The following LIPA variants were observed in gnomAD, a reference collection of about 807,000 sequenced individuals.
The protein encoded by LIPA is lipase A, lysosomal acid type, also known as lysosomal acid lipase/cholesteryl ester hydrolase.
Under a neutral mutation model 40.6 loss-of-function variants are expected in LIPA, and 26 were observed. The ratio of observed to expected loss-of-function variants is 0.64; its 90% confidence interval spans 0.47 to 0.89. LIPA has a LOEUF of 0.89. LIPA is among the 40% of genes least tolerant of loss of function. The pLI, the probability that LIPA is intolerant of heterozygous loss-of-function variation, is 0.00. For synonymous variants in LIPA, 188 were observed against 168.4 expected (o/e 1.12, Z -0.90); for missense variants, 455 against 479.6 (o/e 0.95, Z 0.48).
intron 2 of LIPA, among the ~76,000 whole-genome samples, chr10:89,382,621 T>C (rs1368792472): frequency 6.6e-6 from 1 of 152,212 alleles, no homozygotes; most frequent in Non-Finnish European, 1.5e-5. Flanking sequence ...TGCCACTTCT[T>C]CAAAGAGACA....
intron 2 of LIPA, among the ~76,000 whole-genome samples, chr10:89,410,090 C>T (rs1297653897): frequency 2.6e-5 from 4 of 152,168 alleles, no homozygotes; most frequent in Non-Finnish European, 5.9e-5. Context: ...CAGTGGCATA[C>T]CTAAGTAAGG....
chr10:89,215,059 A>C lies in LIPA; in HGVS notation c.969T>G (p.Ser323Arg). ...CCTTCACATTGTATGTGGGAGGATA[A>C]CTCTACAATGAAAAGGAACCAGAGA... Reference protein sequence around the residue: ...SAKNYFHYNQSYPPTYNVKDM... With the variant: ...SAKNYFHYNQRYPPTYNVKDM... The change falls in exon 10 of 10, where the codon AGT becomes AGG. Residue 323 changes from serine (S) to arginine (R), a missense_variant and splice_region_variant. Physicochemically the swap from Ser to Arg is moderately radical, Grantham distance 110. Transcript: ENST00000336233. The C allele has an allele frequency of 1.2e-6, 2 of 1,606,904 alleles. No homozygotes were observed. Among genetic ancestry groups the C allele is most frequent in the Non-Finnish European group, 1.7e-6 (2 of 1,173,448 alleles).
At chr10:89,221,326 G>A (rs144259253) in intron 8 of LIPA, among the ~76,000 whole-genome samples, 1 of 152,048 alleles carries the variant, frequency 6.6e-6, no homozygotes, top group Non-Finnish European at 1.5e-5. Context: ...CTACACTCCA[G>A]CCTGGCAACA....
At chr10:89,287,545 C>G (rs1169375017) in intron 1 of LIPA, among the ~76,000 whole-genome samples, 1 of 152,020 alleles carries the variant, frequency 6.6e-6, no homozygotes, top group Admixed American at 6.6e-5. Context: ...AACCCAAAGC[C>G]TCCTTCATGT....
upstream of LIPA, among the ~76,000 whole-genome samples, chr10:89,344,241 G>A (rs945863052): frequency 6.6e-6 from 1 of 152,188 alleles, no homozygotes; most frequent in African/African-American, 2.4e-5. Context: ...ATTTATAAGA[G>A]AGTAAGGAAT....
At chr10:89,310,658 T>C (rs1843510653) in intron 1 of LIPA, among the ~76,000 whole-genome samples, 1 of 152,336 alleles carries the variant, frequency 6.6e-6, no homozygotes, top group Middle Eastern at 3.4e-3. Context: ...CATGCACTTG[T>C]AAGAGAGGCA....
intron 1 of LIPA, among the ~76,000 whole-genome samples, chr10:89,299,097 C>G (rs184118482): frequency 1.1e-4 from 16 of 151,488 alleles, no homozygotes; most frequent in African/African-American, 3.9e-4. Flanking sequence ...ACACAGAAAT[C>G]GGAGAAACAA....
chr10:89,347,039 G>T (rs548538596), upstream of LIPA, among the ~76,000 whole-genome samples: 1 of 152,270 alleles, frequency 6.6e-6, no homozygotes, highest in Middle Eastern at 3.4e-3. Context: ...GGGTCTCCAA[G>T]ACTACCCCTA....
chr10:89,412,916 AAACC>A, exon 2 of LIPA: 2 of 258,110 alleles, frequency 7.7e-6, no homozygotes, highest in Admixed American at 5.1e-5. Context: ...CCAAGACCAA[AAACC>A]TACTGGAAGG....
At chr10:89,412,290 G>A (rs541563321) in intron 2 of LIPA, among the ~76,000 whole-genome samples, 95 of 152,146 alleles carry the variant, frequency 6.2e-4, no homozygotes, top group African/African-American at 2.1e-3. Flanking sequence ...GATTGTAAAC[G>A]CACCAATCAG....
intron 1 of LIPA, among the ~76,000 whole-genome samples, chr10:89,309,857 C>T (rs1843505965): frequency 6.6e-6 from 1 of 152,152 alleles, no homozygotes; most frequent in South Asian, 2.1e-4. Context: ...ACTTGTAATT[C>T]CCAGCCTTTT....
chr10:89,297,131 G>A (rs1186674597), intron 1 of LIPA, among the ~76,000 whole-genome samples: 1 of 152,204 alleles, frequency 6.6e-6, no homozygotes, highest in Non-Finnish European at 1.5e-5. Context: ...GGTATCAAGT[G>A]GCCAGCTTGG....
At chr10:89,332,344 C>A in intron 1 of LIPA, 1 of 603,698 alleles carries the variant, frequency 1.7e-6, no homozygotes, top group Non-Finnish European at 2.6e-6. Context: ...TTTCTTTTTA[C>A]AGTGCCTTTT....
intron 2 of LIPA, among the ~76,000 whole-genome samples, chr10:89,360,850 T>C (rs569013240): frequency 6.6e-6 from 1 of 152,330 alleles, no homozygotes; most frequent in South Asian, 2.1e-4. Context: ...TCTCTCTCAG[T>C]TTTGGAGCCC....
chr10:89,330,136 G>A (rs1843635550), intron 1 of LIPA, among the ~76,000 whole-genome samples: 1 of 152,342 alleles, frequency 6.6e-6, no homozygotes, highest in Non-Finnish European at 1.5e-5. Flanking sequence ...GTACATGCAG[G>A]TCACAGGATA....
intron 2 of LIPA, chr10:89,402,947 C>T: frequency 6.2e-7 from 1 of 1,614,082 alleles, no homozygotes; most frequent in Non-Finnish European, 8.5e-7. Context: ...TTCTCCTTGC[C>T]CTGAAGCTTC....
chr10:89,305,445 G>A (rs547475213), intron 1 of LIPA, among the ~76,000 whole-genome samples: 3 of 152,162 alleles, frequency 2.0e-5, no homozygotes, highest in African/African-American at 7.2e-5. Context: ...GAGAACTAAG[G>A]AATTAAGAAT....
intron 1 of LIPA, among the ~76,000 whole-genome samples, chr10:89,263,327 T>C (rs946198633): frequency 6.6e-6 from 1 of 152,230 alleles, no homozygotes; most frequent in Non-Finnish European, 1.5e-5. Context: ...GTTAGTGGTA[T>C]TGGACTTTAC....
intron 1 of LIPA, among the ~76,000 whole-genome samples, chr10:89,325,656 C>T (rs1445779661): frequency 6.6e-6 from 1 of 152,030 alleles, no homozygotes; most frequent in Admixed American, 6.6e-5. Flanking sequence ...TAAGTGGGAA[C>T]TGAACATTAT....
Sources: gnomAD v4.1 joint callset for allele counts (sites outside exome capture counted in the v4.1 genomes callset) on GRCh38, gnomAD v4.1.1 for gene constraint, MANE v1.5 for transcripts, NCBI Gene and HGNC (gene_info 2026-07-23, HGNC 2026-07-21) for gene names.